HIBCH: variants seen among roughly 807,000 people sequenced by gnomAD.
HIBCH encodes the protein 3-hydroxyisobutyryl-CoA hydrolase, mitochondrial.
A neutral mutation model predicts 58.2 loss-of-function variants in HIBCH; 50 were observed. The ratio of observed to expected loss-of-function variants is 0.86; its 90% CI spans 0.68 to 1.09. HIBCH has a LOEUF of 1.09. Ranked by LOEUF, HIBCH falls within the 50% of genes least tolerant of loss-of-function variation. The pLI, the probability that HIBCH is intolerant of heterozygous loss-of-function variation, is 0.00. For missense variants in HIBCH, 450 were observed against 449.7 expected, an observed-to-expected ratio of 1.00 and a Z score of -0.01; for synonymous variants, 151 against 146.9, an observed-to-expected ratio of 1.03 and a Z score of -0.20.
At chr2:190,255,461 G>A (rs1259030425) in intron 7 of HIBCH, among the ~76,000 whole-genome samples, 1 of 152,170 alleles carries the variant, frequency 6.6e-6, no homozygotes, top group Non-Finnish European at 1.5e-5. Flanking sequence ...GTAGCCATCT[G>A]GGAGACTTAT....
chr2:190,278,656 G>A (rs566169223), intron 6 of HIBCH, among the ~76,000 whole-genome samples: 2 of 147,270 alleles, frequency 1.4e-5, no homozygotes, highest in Admixed American at 7.2e-5. Context: ...CTTCACATTG[G>A]TAACACCAGG....
rs1575727730 is a variant in HIBCH at position 190,254,429 on chromosome 2, G to A, written c.518-2122C>T. 1.3e-5 allele frequency among the ~76,000 whole-genome samples: 2 copies of A among 152,006 alleles called. No homozygotes were observed. Among genetic ancestry groups the A allele is most frequent in the East Asian group, 1.9e-4 (1 of 5,188 alleles). On this transcript the variant is annotated intron_variant, in intron 7 of 13. Coordinates refer to ENST00000359678, the MANE Select transcript of HIBCH (RefSeq NM_014362.4). This position sits in a 1 kb window ranked among gnomAD's most constrained non-coding sequence, Gnocchi z 5.0. ...TCAGCCTTTCAATCTCCAGAACTGTGAGAAAAAAAATTTCTACTGTTTAAG... is the reference window on the plus strand; with the variant it reads ...TCAGCCTTTCAATCTCCAGAACTGTAAGAAAAAAAATTTCTACTGTTTAAG...
chr2:190,249,698 G>C lies in HIBCH; in HGVS notation c.692C>G (p.Ala231Gly). 1 of 1,609,172 alleles carries C rather than the reference G, an allele frequency of 6.2e-7. No homozygotes were observed. The change falls in exon 9 of 14, where the codon GCC becomes GGC. Residue 231 changes from alanine (A) to glycine (G), a missense_variant. Coordinates refer to ENST00000359678, the MANE Select transcript of HIBCH (RefSeq NM_014362.4). The part of the protein sequence containing the change: ...KLAMLEEDLL[A>G]LKSPSKENIA... ...ATTTTCTTTTGAAGGAGATTTCAAG[G>C]CTAACAAATCTTCCTCTAACATGGC...
At chr2:190,201,146 A>AT (rs2105891298), downstream of HIBCH, 2 of 167,060 alleles carry the variant, frequency 1.2e-5, no homozygotes, top group African/African-American at 4.8e-5. Flanking sequence ...GGTTTTTGTT[A>AT]TTTTTTAGTG....
intron 11 of HIBCH, among the ~76,000 whole-genome samples, chr2:190,229,098 G>A (rs542414323): frequency 6.6e-6 from 1 of 152,088 alleles, no homozygotes; most frequent in Non-Finnish European, 1.5e-5. Context: ...CCTACTGTAT[G>A]GGGTATGCAA....
rs12618060 is a variant in HIBCH, at chr2:190,204,504, A to G, written c.*613T>C. ...TCTTTTCTCTCTGCCCAAGGTTTCTAATGTTTATAAAAGGAGCTCTTCTGC... is the reference window on the plus strand; with the variant it reads ...TCTTTTCTCTCTGCCCAAGGTTTCTGATGTTTATAAAAGGAGCTCTTCTGC... On this transcript the variant is annotated 3_prime_UTR_variant, in exon 14 of 14. Coordinates refer to ENST00000359678, the MANE Select transcript of HIBCH (RefSeq NM_014362.4). 25,254 of 152,188 alleles carry G rather than the reference A, an allele frequency of 0.17. 2,778 individuals are homozygous for G. The highest frequency in any genetic ancestry group is 0.37 in the East Asian group (1,930 of 5,166). The allele number at this position is 152,188 out of a possible 1,614,324, so 9.4% of individuals were successfully genotyped here.
chr2:190,314,451 AT>A (rs954587620), intron 1 of HIBCH, among the ~76,000 whole-genome samples: 1 of 151,176 alleles, frequency 6.6e-6, no homozygotes, highest in African/African-American at 2.4e-5. Context: ...TCCTTGTCAA[AT>A]ACTATATAAT....
intron 1 of HIBCH, among the ~76,000 whole-genome samples, chr2:190,196,685 A>ATTAT (rs1217349945): frequency 6.6e-6 from 1 of 151,942 alleles, no homozygotes; most frequent in African/African-American, 2.4e-5. Flanking sequence ...GTTAAAGAGG[A>ATTAT]TTATTTCTGT....
At chr2:190,262,783 A>G (rs570418158) in intron 6 of HIBCH, among the ~76,000 whole-genome samples, 4 of 152,248 alleles carry the variant, frequency 2.6e-5, no homozygotes, top group Non-Finnish European at 5.9e-5. Flanking sequence ...TATTACATAG[A>G]GTATGTTTTA....
chr2:190,249,309 G>A (rs1186999321), intron 9 of HIBCH, among the ~76,000 whole-genome samples: 1 of 152,160 alleles, frequency 6.6e-6, no homozygotes, highest in East Asian at 1.9e-4. Context: ...ATAAATAAAT[G>A]TCAAGAGTTT....
At position 190,216,040 on chromosome 2, in the gene HIBCH, G is replaced by A. The variant is rs1424844893; in HGVS notation, c.892-2965C>T. ...AGAAATAAAAGAAGAAAATGAGCAA[G>A]AGAGAGACTGGAAAAGACAAAGATC... On this transcript the variant is annotated intron_variant, in intron 11 of 13. Transcript: ENST00000359678. This position sits in a 1 kb window ranked among gnomAD's most constrained non-coding sequence, Gnocchi z 4.2. 1.3e-5 allele frequency: 2 copies of A among 152,440 alleles called. No homozygotes were observed. The highest frequency in any genetic ancestry group is 4.8e-5 in the African/African-American group (2 of 41,454). 9.4% of individuals were successfully genotyped at this position (152,440 alleles called of 1,614,324 possible). A position where few individuals can be genotyped will look rare whatever the true frequency, so the allele number is the denominator to read the frequency against.
At chr2:190,218,534 C>T (rs1575699806) in intron 11 of HIBCH, among the ~76,000 whole-genome samples, 2 of 152,264 alleles carry the variant, frequency 1.3e-5, no homozygotes. Context: ...TTACTACTTC[C>T]TTTAACCCAC....
chr2:190,298,384 C>G (rs1171395723), intron 2 of HIBCH, among the ~76,000 whole-genome samples: 1 of 118,260 alleles, frequency 8.5e-6, no homozygotes, highest in Non-Finnish European at 2.2e-5. Context: ...TAAAAGCGTT[C>G]TTATTTCTCC....
At chr2:190,205,624 C>A (rs1482949605) in intron 13 of HIBCH, among the ~76,000 whole-genome samples, 1 of 152,090 alleles carries the variant, frequency 6.6e-6, no homozygotes, top group Non-Finnish European at 1.5e-5. Context: ...ACCAGATGTG[C>A]CTTCTAACCT....
intron 7 of HIBCH, among the ~76,000 whole-genome samples, chr2:190,252,786 A>G (rs1686811100): frequency 1.3e-5 from 2 of 152,368 alleles, no homozygotes; most frequent in African/African-American, 2.4e-5. Context: ...TATTGATGCA[A>G]TAATCACAAG....
chr2:190,246,276 A>G, intron 9 of HIBCH, 64 bp from the exon 10 acceptor site: 3 of 884,514 alleles, frequency 3.4e-6, no homozygotes, highest in Non-Finnish European at 5.5e-6. Flanking sequence ...AAAAATTCAT[A>G]TTTAATGATA....
At chr2:190,305,657 T>C (rs1296333768) in intron 2 of HIBCH, among the ~76,000 whole-genome samples, 2 of 152,110 alleles carry the variant, frequency 1.3e-5, no homozygotes, top group Non-Finnish European at 2.9e-5. Context: ...AATAGCAATG[T>C]AGGATCACAT....
chr2:190,242,911 G>T (rs930706201), intron 11 of HIBCH, among the ~76,000 whole-genome samples: 1 of 152,108 alleles, frequency 6.6e-6, no homozygotes, highest in Non-Finnish European at 1.5e-5. Flanking sequence ...TTGGGAACTG[G>T]TGCATTTCTG....
chr2:190,303,908 T>C (rs1345953664), intron 2 of HIBCH, among the ~76,000 whole-genome samples: 1 of 152,148 alleles, frequency 6.6e-6, no homozygotes, highest in African/African-American at 2.4e-5. Context: ...GAAGGGCACT[T>C]TTCCTCTGTC....
Sources: allele counts gnomAD v4.1 joint callset (sites outside exome capture counted in the v4.1 genomes callset), GRCh38; gene constraint gnomAD v4.1.1; non-coding constraint Gnocchi (gnomAD v3.1); transcripts MANE v1.5; gene names NCBI Gene and HGNC (gene_info 2026-07-23, HGNC 2026-07-21).